Variants in TLN2 observed in about 807,000 individuals in gnomAD.
The protein encoded by TLN2 is talin-2.
Under a neutral mutation model 294.7 loss-of-function variants are expected in TLN2, and 118 were observed. The ratio of observed to expected loss-of-function variants is 0.40; its 90% CI spans 0.34 to 0.47. The LOEUF is 0.47. Among genes scored for constraint, TLN2 ranks in the 20% least tolerant of loss-of-function variants. TLN2 has a pLI of 0.84. For synonymous variants in TLN2, 1,431 were observed against 1,304.5 expected (o/e 1.10, Z -2.09); for missense variants, 3,083 against 3,282.2 (o/e 0.94, Z 1.48).
intron 1 of TLN2, among the ~76,000 whole-genome samples, chr15:62,436,085 C>T (rs568393735): frequency 2.0e-5 from 3 of 152,310 alleles, no homozygotes; most frequent in Middle Eastern, 3.4e-3. Context: ...CACATTTCTC[C>T]GTACTTCCCA....
At chr15:62,491,440 A>G (rs1480050301) in intron 1 of TLN2, among the ~76,000 whole-genome samples, 1 of 151,358 alleles carries the variant, frequency 6.6e-6, no homozygotes, top group Non-Finnish European at 1.5e-5. Flanking sequence ...AGGTGGGACA[A>G]CTGGAAGTGG....
chr15:62,759,257 A>C (rs1375282487), intron 37 of TLN2, among the ~76,000 whole-genome samples: 2 of 152,216 alleles, frequency 1.3e-5, no homozygotes, highest in Non-Finnish European at 2.9e-5. Flanking sequence ...TGTGCAAACT[A>C]TCCTTTCTGA....
chr15:62,713,889 C>T (rs1434672872), intron 22 of TLN2, among the ~76,000 whole-genome samples: 1 of 53,412 alleles, frequency 1.9e-5, no homozygotes, highest in Non-Finnish European at 5.7e-5. Context: ...TAACCCCCTT[C>T]TTTAAGCCAT....
chr15:62,614,864 G>A (rs2048187803), intron 2 of TLN2, among the ~76,000 whole-genome samples: 1 of 151,990 alleles, frequency 6.6e-6, no homozygotes, highest in South Asian at 2.1e-4. Context: ...TCTGTGCAGT[G>A]GTGCCATCTT....
At chr15:62,789,191 C>A (rs916879735) in intron 45 of TLN2, among the ~76,000 whole-genome samples, 6 of 152,170 alleles carry the variant, frequency 3.9e-5, no homozygotes, top group Non-Finnish European at 7.4e-5. Context: ...GACACACATG[C>A]AAGATACCTG....
chr15:62,766,784 C>T (rs1043872990), intron 41 of TLN2, among the ~76,000 whole-genome samples: 7 of 152,162 alleles, frequency 4.6e-5, no homozygotes, highest in Admixed American at 1.3e-4. Flanking sequence ...GCTGGCTGGC[C>T]GGCCAGCCCC....
rs202234724 is a variant in TLN2 at position 62,774,908 on chromosome 15, C to G, written c.5368-1856C>G. Among the ~76,000 whole-genome samples the G allele has an allele frequency of 1.5e-4, 23 of 151,724 alleles. No homozygotes were observed. In the East Asian group the frequency reaches 3.5e-3, roughly 23 times the overall value. The stretch of plus-strand genomic sequence containing the variant: ...TTGGCAAGCGGTGCTCCTGTCTCCC[C>G]CAGAAGGTATACTTAATTTTCATAT... On this transcript the variant is annotated intron_variant, in intron 42 of 58. Coordinates refer to ENST00000636159, the MANE Select transcript of TLN2 (RefSeq NM_015059.3).
chr15:62,494,414 C>T (rs2038913099), intron 1 of TLN2, among the ~76,000 whole-genome samples: 1 of 152,024 alleles, frequency 6.6e-6, no homozygotes, highest in South Asian at 2.1e-4. Context: ...CTCCTCCAGG[C>T]AGATATCTGC....
At chr15:62,836,714 TTTAAATACAA>T (rs1302083124) in intron 57 of TLN2, among the ~76,000 whole-genome samples, 2 of 152,184 alleles carry the variant, frequency 1.3e-5, no homozygotes, top group Non-Finnish European at 2.9e-5. Flanking sequence ...ATAAAAATAT[TTTAAATACAA>T]TAAAAGAAAT....
At chr15:62,628,492 G>A (rs2049483930) in intron 3 of TLN2, among the ~76,000 whole-genome samples, 2 of 152,240 alleles carry the variant, frequency 1.3e-5, no homozygotes, top group African/African-American at 4.8e-5. Context: ...TTGTAAACAT[G>A]TATGAATTAC....
intron 1 of TLN2, among the ~76,000 whole-genome samples, chr15:62,431,834 G>T (rs2035028096): frequency 6.6e-6 from 1 of 152,190 alleles, no homozygotes; most frequent in South Asian, 2.1e-4. Flanking sequence ...ATGCCTCTGT[G>T]CAGCTTGGTG....
Position 62,483,873 on chromosome 15 carries a change from C to T in TLN2, c.-238+93188C>T, listed in dbSNP as rs114534930. 9.8e-3 allele frequency among the ~76,000 whole-genome samples: 1,490 copies of T among 152,330 alleles called. 28 individuals are homozygous for T. Among genetic ancestry groups the T allele is most frequent in the African/African-American group, 0.034 (1,426 of 41,580 alleles). ...CTGCTGTGTAGCTGGAGCAAGCCACCACACCCATGGATTACATTTGGCAGC... is the reference window on the plus strand; with the variant it reads ...CTGCTGTGTAGCTGGAGCAAGCCACTACACCCATGGATTACATTTGGCAGC... On this transcript the variant is annotated intron_variant, in intron 1 of 58. Transcript: ENST00000636159.
At chr15:62,478,276 C>A (rs1286310206) in intron 1 of TLN2, among the ~76,000 whole-genome samples, 2 of 152,170 alleles carry the variant, frequency 1.3e-5, no homozygotes, top group Non-Finnish European at 2.9e-5. Context: ...TTAACCCCTG[C>A]ATCATGACTA....
chr15:62,838,524 A>C (rs1456831980), intron 57 of TLN2, among the ~76,000 whole-genome samples: 1 of 152,236 alleles, frequency 6.6e-6, no homozygotes, highest in Non-Finnish European at 1.5e-5. Flanking sequence ...AAGGAGGCAG[A>C]ACTCCGGCAT....
chr15:62,679,150 T>G (rs1300139251), intron 11 of TLN2, among the ~76,000 whole-genome samples: 1 of 152,028 alleles, frequency 6.6e-6, no homozygotes, highest in Non-Finnish European at 1.5e-5. Context: ...ATGGAAAAAT[T>G]GGAACCCCCA....
At chr15:62,742,454 C>G (rs2061392445) in intron 32 of TLN2, among the ~76,000 whole-genome samples, 1 of 152,074 alleles carries the variant, frequency 6.6e-6, no homozygotes, top group African/African-American at 2.4e-5. Flanking sequence ...CAGTTTCCAG[C>G]TTGGAATGGC....
At chr15:62,644,403 C>T in intron 3 of TLN2, 1 of 432,338 alleles carries the variant, frequency 2.3e-6, no homozygotes, top group Non-Finnish European at 4.7e-6. Flanking sequence ...GTCATTACTG[C>T]TCTCCCTCAC....
chr15:62,558,736 A>C (rs1012280250), intron 1 of TLN2, among the ~76,000 whole-genome samples: 1 of 152,068 alleles, frequency 6.6e-6, no homozygotes, highest in Non-Finnish European at 1.5e-5. Context: ...TTGAGCCTCT[A>C]TGGGCAGCAG....
Position 62,740,752 on chromosome 15 carries a change from C to T in TLN2, c.4008C>T (p.Leu1336=). ...VDPGAPNAKN[L]LAAAARAVTE... ...CAGGAGCTCCCAATGCGAAAAATCTCCTGGCTGCAGCTGCAAGGTAGGAGT... is the reference window on the plus strand; with the variant it reads ...CAGGAGCTCCCAATGCGAAAAATCTTCTGGCTGCAGCTGCAAGGTAGGAGT... Residue 1336 remains leucine, a synonymous_variant, in exon 32 of 59, where the codon CTC becomes CTT. Coordinates refer to ENST00000636159, the MANE Select transcript of TLN2 (RefSeq NM_015059.3). 6.2e-7 allele frequency: 1 copy of T among 1,614,174 alleles called. No homozygotes were observed. The highest frequency in any genetic ancestry group is 1.7e-5 in the Admixed American group (1 of 60,026).
Sources: gnomAD v4.1 joint callset for allele counts (sites outside exome capture counted in the v4.1 genomes callset) on GRCh38, gnomAD v4.1.1 for gene constraint, MANE v1.5 for transcripts, NCBI Gene and HGNC (gene_info 2026-07-23, HGNC 2026-07-21) for gene names.